The following COL11A1 variants were observed in gnomAD, a reference collection of about 807,000 sequenced individuals.
The protein encoded by COL11A1 is collagen alpha-1(XI) chain.
A neutral mutation model predicts 265.2 loss-of-function variants in COL11A1; 74 were observed. The ratio of observed to expected loss-of-function variants is 0.28; its 90% CI spans 0.23 to 0.34. The LOEUF is 0.34. COL11A1 is among the 10% of genes least tolerant of loss of function. The pLI is 1.00. For missense variants in COL11A1, 2,165 were observed against 2,263.6 expected, an observed-to-expected ratio of 0.96 and a Z score of 0.88; for synonymous variants, 816 against 727.6, an observed-to-expected ratio of 1.12 and a Z score of -1.96.
chr1:103,060,446 T>A lies in COL11A1; in HGVS notation c.651+14172A>T, dbSNP rs985118061. Among the ~76,000 whole-genome samples the A allele has an allele frequency of 5.3e-5, 8 of 152,262 alleles. No individual in the cohort carries two copies. The East Asian group carries it at 5.8e-4, about 11-fold the overall frequency. ...ATGAATAAGTGAAGGTAAAATATTT[T>A]TTATTATTATTAATTGATCTAAGGT... On this transcript the variant is annotated intron_variant, in intron 4 of 66. Transcript: ENST00000370096.
rs576619819 is a variant in COL11A1, at chr1:102,892,551, T to C, written c.4303-2047A>G. 2.7e-4 allele frequency among the ~76,000 whole-genome samples: 41 copies of C among 152,272 alleles called. 1 individual carries two copies. The South Asian group carries it at 8.5e-3, about 32-fold the overall frequency. ...GACAAATAGAGCTTCAGTTTTCTCA[T>C]CTACAAGCTGGGGACTACAATTCCT... On this transcript the variant is annotated intron_variant, in intron 57 of 66. Transcript: ENST00000370096.
intron 1 of COL11A1, among the ~76,000 whole-genome samples, chr1:103,091,559 G>T (rs1673325533): frequency 6.6e-6 from 1 of 151,946 alleles, no homozygotes; most frequent in Admixed American, 6.6e-5. Context: ...TATATATGAA[G>T]CCCTTACAGT....
chr1:102,896,085 TTTAA>T (rs374430811), intron 57 of COL11A1, among the ~76,000 whole-genome samples: 1 of 152,166 alleles, frequency 6.6e-6, no homozygotes, highest in African/African-American at 2.4e-5. Flanking sequence ...AAGCAATTCA[TTTAA>T]TTAACTTAAG....
chr1:102,890,467 C>A lies in COL11A1; in HGVS notation c.4340G>T (p.Gly1447Val). 1 of 1,609,312 alleles carries A rather than the reference C, an allele frequency of 6.2e-7. No homozygotes were observed. The highest frequency in any genetic ancestry group is 8.5e-7 in the Non-Finnish European group (1 of 1,177,658). ...TATTCTCACCTTTTCACCCTTGGAGCCAGGGTCACCTTTGAGACCAGGTAA... is the reference window on the plus strand; with the variant it reads ...TATTCTCACCTTTTCACCCTTGGAGACAGGGTCACCTTTGAGACCAGGTAA... ...PGLPGLKGDPGSKGEKGHPGL... is the reference protein window; with the variant it reads ...PGLPGLKGDPVSKGEKGHPGL... Residue 1447 changes from glycine (G) to valine (V), a missense_variant, in exon 58 of 67, where the codon GGC becomes GTC. Transcript: ENST00000370096.
At chr1:103,002,339 A>C (rs1665185570) in intron 23 of COL11A1, 89 bp downstream of exon 23, 1 of 1,130,566 alleles carries the variant, frequency 8.8e-7, no homozygotes, top group African/African-American at 1.5e-5. Flanking sequence ...CTAGGACTAC[A>C]TAGAAAATTG....
chr1:102,880,416 C>CT (rs1248707401), intron 65 of COL11A1, among the ~76,000 whole-genome samples: 2 of 152,084 alleles, frequency 1.3e-5, no homozygotes, highest in African/African-American at 4.8e-5. Context: ...CATTTTGGGG[C>CT]TATAGTCCTC....
At chr1:102,913,076 A>T (rs1654882400) in intron 53 of COL11A1, among the ~76,000 whole-genome samples, 1 of 152,192 alleles carries the variant, frequency 6.6e-6, no homozygotes, top group South Asian at 2.1e-4. Flanking sequence ...ATAGCAAAGC[A>T]TCTAGTGGGA....
At chr1:103,082,999 C>T in intron 1 of COL11A1, 27 bp from the exon 2 acceptor site, 3 of 1,608,392 alleles carry the variant, frequency 1.9e-6, no homozygotes, top group South Asian at 1.1e-5. Flanking sequence ...CAATAAAAAA[C>T]CAGAATTGAA....
chr1:103,079,854 A>G (rs1443530464), intron 2 of COL11A1, among the ~76,000 whole-genome samples: 1 of 151,904 alleles, frequency 6.6e-6, no homozygotes, highest in Admixed American at 6.6e-5. Flanking sequence ...ATTCATTCCA[A>G]ATTCTATTAC....
In COL11A1 at chr1:103,074,657, C is replaced by T. The variant is rs545867472; in HGVS notation, c.612G>A (p.Thr204=). The part of the protein sequence containing the change: ...ERAIVDTNGI[T]VFGTRILDEE... Reference sequence around the variant, plus strand: ...CATCCAAAATCCTTGTTCCAAAAACCGTGATTCCATTGGTATCAACAATTG... The same window carrying T: ...CATCCAAAATCCTTGTTCCAAAAACTGTGATTCCATTGGTATCAACAATTG... Residue 204 remains threonine, a synonymous_variant, in exon 4 of 67, where the codon ACG becomes ACA. Transcript: ENST00000370096. 4.2e-5 allele frequency: 67 copies of T among 1,613,114 alleles called. No homozygotes were observed. Among genetic ancestry groups the T allele is most frequent in the African/African-American group, 5.3e-5 (4 of 74,866 alleles).
intron 63 of COL11A1, among the ~76,000 whole-genome samples, chr1:102,885,593 T>C (rs945456123): frequency 6.6e-6 from 1 of 151,966 alleles, no homozygotes; most frequent in African/African-American, 2.4e-5. Flanking sequence ...ATTAATATAA[T>C]CATGTCTGAA....
intron 4 of COL11A1, among the ~76,000 whole-genome samples, chr1:103,068,824 TCTAGCA>T (rs1036828947): frequency 1.3e-5 from 2 of 150,148 alleles, no homozygotes; most frequent in Non-Finnish European, 3.0e-5. Flanking sequence ...ATTCATTTAC[TCTAGCA>T]CTAAAAAAAA....
intron 46 of COL11A1, among the ~76,000 whole-genome samples, chr1:102,929,056 A>T (rs1657022687): frequency 6.9e-6 from 1 of 145,006 alleles, no homozygotes; most frequent in Admixed American, 7.1e-5. Context: ...GTTCACTCTG[A>T]CGGTAGTTTA....
chr1:103,030,556 C>CAA (rs35873874), intron 5 of COL11A1, among the ~76,000 whole-genome samples: 11,439 of 143,074 alleles, frequency 0.08, 466 homozygotes, highest in Middle Eastern at 0.14. Flanking sequence ...ATTCAAAATC[C>CAA]AAAAAAAAAA....
At chr1:102,992,036 T>G (rs544296188) in intron 28 of COL11A1, among the ~76,000 whole-genome samples, 2 of 152,128 alleles carry the variant, frequency 1.3e-5, no homozygotes, top group Non-Finnish European at 2.9e-5. Flanking sequence ...TAAAGAACAC[T>G]GCACTCTATG....
intron 5 of COL11A1, among the ~76,000 whole-genome samples, chr1:103,028,327 C>A (rs912092722): frequency 1.3e-5 from 2 of 152,156 alleles, no homozygotes; most frequent in African/African-American, 2.4e-5. Context: ...AGTCACTGCG[C>A]CCAGCCGGCA....
At chr1:103,028,788 T>C (rs2101982943) in intron 5 of COL11A1, among the ~76,000 whole-genome samples, 1 of 152,280 alleles carries the variant, frequency 6.6e-6, no homozygotes, top group East Asian at 1.9e-4. Flanking sequence ...GAAAAGCTAA[T>C]TGTTTTGTAA....
At chr1:103,015,800 A>G in intron 11 of COL11A1, 58 bp from the exon 12 acceptor site, 9 of 1,196,672 alleles carry the variant, frequency 7.5e-6, no homozygotes, top group Non-Finnish European at 1.1e-5. Context: ...ATTTACTAGA[A>G]CTAGAATAAC....
At chr1:102,930,493 C>A (rs1215419856) in intron 46 of COL11A1, among the ~76,000 whole-genome samples, 1 of 151,980 alleles carries the variant, frequency 6.6e-6, no homozygotes, top group African/African-American at 2.4e-5. Context: ...ATTCATTTTG[C>A]CAGTATTTTA....
Sources: allele counts gnomAD v4.1 joint callset (sites outside exome capture counted in the v4.1 genomes callset), GRCh38; gene constraint gnomAD v4.1.1; transcripts MANE v1.5; gene names NCBI Gene and HGNC (gene_info 2026-07-23, HGNC 2026-07-21).